Variants in GARIN5B observed in about 807,000 individuals in gnomAD.
GARIN5B encodes golgi associated RAB2 interactor family member 5B.
the GARIN5B span, chr19:55,359,264 G>A: frequency 3.2e-6 from 5 of 1,550,946 alleles, no homozygotes; most frequent in Non-Finnish European, 4.4e-6. Flanking sequence ...CTTCTGGGAT[G>A]GGGCAGGGAG....
the GARIN5B span, chr19:55,354,913 C>T: frequency 4.2e-6 from 1 of 236,430 alleles, no homozygotes; most frequent in Admixed American, 5.2e-5. Flanking sequence ...CTCGCTGAGT[C>T]TCAGGCTCAA....
chr19:55,362,312 C>A, the GARIN5B span: 1 of 1,550,234 alleles, frequency 6.5e-7, no homozygotes, highest in Non-Finnish European at 8.7e-7. Context: ...GCGCGTGGTC[C>A]TGGGGGTCCA....
chr19:55,355,240 T>A, the GARIN5B span: 21 of 1,039,064 alleles, frequency 2.0e-5, no homozygotes, highest in Middle Eastern at 1.0e-3. Flanking sequence ...AAGGCAGATC[T>A]CCAGGGTCTT....
the GARIN5B span, among the ~76,000 whole-genome samples, chr19:55,362,034 C>T: frequency 1.4e-5 from 2 of 144,786 alleles, no homozygotes; most frequent in Non-Finnish European, 3.0e-5. Flanking sequence ...GGGGTCCAGG[C>T]CCCCAGCTCC....
At chr19:55,355,293 A>G in the GARIN5B span, 77 of 1,548,144 alleles carry the variant, frequency 5.0e-5, no homozygotes, top group African/African-American at 9.2e-4. Context: ...ACAGTTTCCA[A>G]CTGAGGTTAA....
At chr19:55,359,405 G>A in the GARIN5B span, 1 of 1,550,046 alleles carries the variant, frequency 6.5e-7, no homozygotes, top group Non-Finnish European at 8.7e-7. Flanking sequence ...CTTTCGGGGA[G>A]AAGCTGACGC....
chr19:55,362,959 C>CAGGT, the GARIN5B span: 1 of 1,501,310 alleles, frequency 6.7e-7, no homozygotes, highest in East Asian at 2.5e-5. Context: ...GACGGAGGGG[C>CAGGT]AGGTACTCGC....
the GARIN5B span, chr19:55,362,472 CG>C: frequency 4.5e-6 from 7 of 1,547,350 alleles, no homozygotes; most frequent in South Asian, 8.4e-5. Flanking sequence ...AGGTCATGGA[CG>C]CAGAGGTGGA....
chr19:55,357,205 G>T, the GARIN5B span, among the ~76,000 whole-genome samples: 1 of 152,102 alleles, frequency 6.6e-6, no homozygotes, highest in East Asian at 1.9e-4. Flanking sequence ...TGGGGTCTTT[G>T]TGGCCTTTTC....
the GARIN5B span, chr19:55,363,211 G>A: frequency 1.2e-6 from 1 of 829,978 alleles, no homozygotes; most frequent in Non-Finnish European, 1.7e-6. This position sits in a 1 kb window ranked among gnomAD's most constrained non-coding sequence, Gnocchi z 4.0. Flanking sequence ...CCCCAGGCTG[G>A]GAGACTCGGG....
At chr19:55,358,256 G>A in the GARIN5B span, 63 of 1,550,874 alleles carry the variant, frequency 4.1e-5, no homozygotes, top group Non-Finnish European at 5.1e-5. Flanking sequence ...TTCTGAAGAC[G>A]ACCCCACAGT....
At chr19:55,359,026 G>A in the GARIN5B span, 15 of 1,551,450 alleles carry the variant, frequency 9.7e-6, no homozygotes, top group South Asian at 4.8e-5. Context: ...TCTTGGTCAC[G>A]GTGAAGGGCG....
At chr19:55,356,665 T>C in the GARIN5B span, among the ~76,000 whole-genome samples, 1 of 152,170 alleles carries the variant, frequency 6.6e-6, no homozygotes, top group Non-Finnish European at 1.5e-5. Flanking sequence ...CACCATTTTT[T>C]AATGTACCCC....
At chr19:55,356,395 C>T in the GARIN5B span, among the ~76,000 whole-genome samples, 2 of 151,314 alleles carry the variant, frequency 1.3e-5, no homozygotes, top group South Asian at 2.1e-4. Context: ...TTTTTTGAGA[C>T]GGAGTCTCGC....
chr19:55,355,348 G>A, the GARIN5B span: 1 of 1,550,532 alleles, frequency 6.4e-7, no homozygotes, highest in Non-Finnish European at 8.7e-7. Flanking sequence ...GCTGCAGGCT[G>A]CAGGGAGAAA....
the GARIN5B span, chr19:55,358,823 C>T: frequency 6.5e-7 from 1 of 1,546,262 alleles, no homozygotes; most frequent in Non-Finnish European, 8.7e-7. Context: ...CTGGGAGGGG[C>T]CCTCGACGGC....
chr19:55,362,538 G>A, the GARIN5B span: 51 of 1,530,698 alleles, frequency 3.3e-5, no homozygotes, highest in South Asian at 2.6e-4. Flanking sequence ...TAGAGCAGGA[G>A]GGGTGGAGGG....
At chr19:55,361,044 C>G in the GARIN5B span, 2 of 1,550,798 alleles carry the variant, frequency 1.3e-6, no homozygotes, top group Non-Finnish European at 1.7e-6. Flanking sequence ...GCTCCAGCTG[C>G]GACCAGATGA....
the GARIN5B span, chr19:55,359,142 C>T: frequency 4.3e-5 from 66 of 1,551,036 alleles, no homozygotes; most frequent in East Asian, 7.3e-5. Flanking sequence ...CTCTCCAGCA[C>T]GGCTCTTCCA....
Sources: allele counts gnomAD v4.1 joint callset (sites outside exome capture counted in the v4.1 genomes callset), GRCh38; gene constraint gnomAD v4.1.1; non-coding constraint Gnocchi (gnomAD v3.1); transcripts MANE v1.5; gene names NCBI Gene and HGNC (gene_info 2026-07-23, HGNC 2026-07-21).